LDLRAD4: variants seen among roughly 807,000 people sequenced by gnomAD.
LDLRAD4 encodes low-density lipoprotein receptor class A domain-containing protein 4.
A neutral mutation model predicts 17.0 loss-of-function variants in LDLRAD4; 5 were observed. The ratio of observed to expected loss-of-function variants is 0.29; its 90% CI spans 0.15 to 0.62. The LOEUF is 0.62. Ranked by LOEUF, LDLRAD4 falls within the 20% of genes least tolerant of loss-of-function variation. LDLRAD4 has a pLI of 0.84. For missense variants in LDLRAD4, 340 were observed against 424.7 expected, an observed-to-expected ratio of 0.80 and a Z score of 1.75; for synonymous variants, 168 against 171.8, an observed-to-expected ratio of 0.98 and a Z score of 0.17.
At chr18:13,407,243 T>C (rs2087853044) in intron 2 of LDLRAD4, among the ~76,000 whole-genome samples, 1 of 152,200 alleles carries the variant, frequency 6.6e-6, no homozygotes, top group Non-Finnish European at 1.5e-5. Flanking sequence ...CTGCTCTGAA[T>C]GTGGCTCCAG....
intron 1 of LDLRAD4, among the ~76,000 whole-genome samples, chr18:13,311,576 CAG>C (rs1486459164): frequency 3.9e-5 from 6 of 152,226 alleles, no homozygotes; most frequent in Admixed American, 6.5e-5. Context: ...GCCATGTTCT[CAG>C]GGGATATTTC....
At chr18:13,578,855 T>G (rs12970420) in intron 3 of LDLRAD4, among the ~76,000 whole-genome samples, 14 of 140,612 alleles carry the variant, frequency 1.0e-4, no homozygotes, top group African/African-American at 3.8e-4. Flanking sequence ...TTTTTTTTTT[T>G]GTCAGAGATC....
At chr18:13,425,252 C>T (rs2089833878) in intron 2 of LDLRAD4, among the ~76,000 whole-genome samples, 1 of 152,116 alleles carries the variant, frequency 6.6e-6, no homozygotes, top group Admixed American at 6.5e-5. Flanking sequence ...GGAACATAGT[C>T]CTGGACCTGG....
chr18:13,229,218 G>C (rs2041951454), intron 1 of LDLRAD4, among the ~76,000 whole-genome samples: 1 of 152,198 alleles, frequency 6.6e-6, no homozygotes, highest in Non-Finnish European at 1.5e-5. Flanking sequence ...GGCCTCCTGA[G>C]GGCTTGCCAT....
intron 1 of LDLRAD4, among the ~76,000 whole-genome samples, chr18:13,273,003 G>C (rs2044653487): frequency 6.6e-6 from 1 of 152,206 alleles, no homozygotes; most frequent in Non-Finnish European, 1.5e-5. Context: ...AAAGATGTTA[G>C]AAAATTGTCA....
chr18:13,220,194 C>G (rs890391706), intron 1 of LDLRAD4, among the ~76,000 whole-genome samples: 1 of 152,212 alleles, frequency 6.6e-6, no homozygotes, highest in African/African-American at 2.4e-5. Context: ...CTTCATTTTG[C>G]TATTGACATT....
chr18:13,334,488 C>T (rs1353586684), intron 1 of LDLRAD4, among the ~76,000 whole-genome samples: 2 of 152,190 alleles, frequency 1.3e-5, no homozygotes, highest in African/African-American at 2.4e-5. Context: ...CCTGCCTTGG[C>T]CTCCCAAAAT....
At chr18:13,462,745 G>A (rs746808304) in intron 3 of LDLRAD4, among the ~76,000 whole-genome samples, 4 of 152,286 alleles carry the variant, frequency 2.6e-5, no homozygotes, top group Non-Finnish European at 5.9e-5. Context: ...TGTCACGGGC[G>A]GAGCAGGGAC....
intron 3 of LDLRAD4, among the ~76,000 whole-genome samples, chr18:13,531,013 G>A (rs555009014): frequency 2.6e-5 from 4 of 152,278 alleles, no homozygotes; most frequent in South Asian, 4.1e-4. Flanking sequence ...GTTCTCCTTC[G>A]TTTCATCTGC....
intron 1 of LDLRAD4, among the ~76,000 whole-genome samples, chr18:13,340,994 G>T (rs752503923): frequency 1.3e-5 from 2 of 151,984 alleles, no homozygotes; most frequent in Non-Finnish European, 2.9e-5. Flanking sequence ...GTTCTTTCCC[G>T]TTGAATGGCC....
At chr18:13,435,804 C>A (rs958422694) in intron 2 of LDLRAD4, among the ~76,000 whole-genome samples, 1 of 152,192 alleles carries the variant, frequency 6.6e-6, no homozygotes, top group East Asian at 1.9e-4. Flanking sequence ...AAGAGCCAAG[C>A]ACATTAGTAG....
chr18:13,230,710 A>G (rs2042029000), intron 1 of LDLRAD4, among the ~76,000 whole-genome samples: 1 of 152,104 alleles, frequency 6.6e-6, no homozygotes, highest in Non-Finnish European at 1.5e-5. Context: ...GGTAGATGCT[A>G]CTGCTTACAG....
chr18:13,585,819 T>C (rs1466527857), intron 3 of LDLRAD4, among the ~76,000 whole-genome samples: 1 of 152,208 alleles, frequency 6.6e-6, no homozygotes, highest in Non-Finnish European at 1.5e-5. Flanking sequence ...AGCTCTGTGT[T>C]GGAAAGAATA....
chr18:13,583,773 G>T (rs1243809587), intron 3 of LDLRAD4, among the ~76,000 whole-genome samples: 1 of 152,044 alleles, frequency 6.6e-6, no homozygotes, highest in Non-Finnish European at 1.5e-5. Context: ...AGGGCGCTGC[G>T]GCTCCCCACT....
chr18:13,413,775 G>A (rs897004803), intron 2 of LDLRAD4, among the ~76,000 whole-genome samples: 1 of 152,146 alleles, frequency 6.6e-6, no homozygotes, highest in Non-Finnish European at 1.5e-5. Flanking sequence ...CTAGGAGAGA[G>A]TATGGTTGGG....
chr18:13,427,184 C>CAATA (rs561772479), intron 2 of LDLRAD4, among the ~76,000 whole-genome samples: 1 of 151,576 alleles, frequency 6.6e-6, no homozygotes, highest in Non-Finnish European at 1.5e-5. Context: ...GACTCCTTCT[C>CAATA]AATAAATAAA....
At chr18:13,529,271 C>T (rs1179246170) in intron 3 of LDLRAD4, among the ~76,000 whole-genome samples, 1 of 152,232 alleles carries the variant, frequency 6.6e-6, no homozygotes, top group Non-Finnish European at 1.5e-5. Context: ...TCAGAACTAG[C>T]TACTTGGGAG....
At position 13,621,993 on chromosome 18, in the gene LDLRAD4, G is replaced by C. The variant is rs889009920; in HGVS notation, c.336+722G>C. On this transcript the variant is annotated intron_variant, in intron 4 of 5. Coordinates refer to ENST00000359446, the Ensembl canonical transcript of LDLRAD4. This position sits in a 1 kb window ranked among gnomAD's most constrained non-coding sequence, Gnocchi z 5.5. ...GTGGTTTTGATGGCTTCCAGCCAGA[G>C]GGTTAGGAGCGGTGAGTTCAGCGAG... is the stretch of plus-strand genomic sequence containing the variant. Among the ~76,000 whole-genome samples, 33 of 152,334 alleles carry C rather than the reference G, an allele frequency of 2.2e-4. No individual in the cohort carries two copies. The highest frequency in any genetic ancestry group is 2.1e-3 in the Admixed American group (32 of 15,310).
At chr18:13,597,120 A>T (rs2095105309) in intron 3 of LDLRAD4, among the ~76,000 whole-genome samples, 1 of 152,152 alleles carries the variant, frequency 6.6e-6, no homozygotes, top group South Asian at 2.1e-4. Context: ...ACAGTCTTTC[A>T]GTTTTTGTTT....
Sources: allele counts gnomAD v4.1 joint callset (sites outside exome capture counted in the v4.1 genomes callset), GRCh38; gene constraint gnomAD v4.1.1; non-coding constraint Gnocchi (gnomAD v3.1); transcripts MANE v1.5; gene names NCBI Gene and HGNC (gene_info 2026-07-23, HGNC 2026-07-21).